The following AGBL1 variants were observed in gnomAD, a reference collection of about 807,000 sequenced individuals.
AGBL1 encodes the protein cytosolic carboxypeptidase 4.
AGBL1 carries 130 observed loss-of-function variants against 118.9 expected under a neutral mutation model. The ratio of observed to expected loss-of-function variants is 1.09; its 90% CI spans 0.95 to 1.26. The LOEUF (loss-of-function observed/expected upper bound fraction) is 1.26. Ranked by LOEUF, AGBL1 falls within the 50% of genes most tolerant of loss-of-function variation. The pLI is 0.00. For missense variants in AGBL1, 1,584 were observed against 1,298.1 expected (o/e 1.22, Z -3.38); for synonymous variants, 555 against 478.9 (o/e 1.16, Z -2.08).
intron 22 of AGBL1, among the ~76,000 whole-genome samples, chr15:86,771,872 A>T (rs1166551668): frequency 1.3e-5 from 2 of 151,944 alleles, no homozygotes; most frequent in African/African-American, 4.8e-5. Flanking sequence ...AGGCTGCTGG[A>T]TGGGGAAGTT....
intron 22 of AGBL1, among the ~76,000 whole-genome samples, chr15:86,788,869 A>G (rs2141325016): frequency 6.6e-6 from 1 of 152,328 alleles, no homozygotes; most frequent in Non-Finnish European, 1.5e-5. Context: ...GACCAAAAAA[A>G]AGCAAGTGCA....
chr15:86,745,077 T>C lies in AGBL1; in HGVS notation c.3158+70641T>C, dbSNP rs113277813. Among the ~76,000 whole-genome samples, 36 of 152,246 alleles carry C rather than the reference T, an allele frequency of 2.4e-4. 2 individuals are homozygous for C. The highest frequency in any genetic ancestry group is 8.2e-4 in the African/African-American group (34 of 41,546). Reference sequence around the variant, plus strand: ...GTCTTTCCGTAGACGTACTGCTGTTTGCTGATCCATTTCTTATATATGTAG... The same window carrying C: ...GTCTTTCCGTAGACGTACTGCTGTTCGCTGATCCATTTCTTATATATGTAG... On this transcript the variant is annotated intron_variant, in intron 22 of 22. Transcript: ENST00000614907.
intron 22 of AGBL1, among the ~76,000 whole-genome samples, chr15:86,695,484 T>C (rs554314491): frequency 2.0e-5 from 3 of 152,068 alleles, no homozygotes; most frequent in Non-Finnish European, 4.4e-5. Context: ...TTTTCTCTCT[T>C]CTTTTCTTGG....
intron 24 of AGBL1, among the ~76,000 whole-genome samples, chr15:87,015,941 C>A (rs573981883): frequency 6.6e-6 from 1 of 152,110 alleles, no homozygotes; most frequent in Admixed American, 6.6e-5. Flanking sequence ...TTACTGTGTC[C>A]TAGGTGATAC....
intron 22 of AGBL1, among the ~76,000 whole-genome samples, chr15:86,845,389 T>C (rs761330956): frequency 5.9e-5 from 9 of 152,152 alleles, no homozygotes; most frequent in Non-Finnish European, 1.2e-4. Context: ...GTACACTCTA[T>C]TGTTTACCGT....
intron 22 of AGBL1, among the ~76,000 whole-genome samples, chr15:86,830,568 A>G (rs2079090806): frequency 6.6e-6 from 1 of 152,146 alleles, no homozygotes; most frequent in African/African-American, 2.4e-5. Context: ...GATGAAGGCT[A>G]CACAAAAACT....
intron 22 of AGBL1, among the ~76,000 whole-genome samples, chr15:86,728,841 C>T (rs966465595): frequency 7.9e-5 from 12 of 152,114 alleles, no homozygotes; most frequent in African/African-American, 2.9e-4. Context: ...GCCCATTCCA[C>T]CCATTTTCCA....
At chr15:86,470,585 T>C (rs536103143) in intron 18 of AGBL1, among the ~76,000 whole-genome samples, 97 of 152,328 alleles carry the variant, frequency 6.4e-4, no homozygotes, top group Middle Eastern at 6.8e-3. Context: ...AATACCATTG[T>C]AATTTTGAGA....
intron 22 of AGBL1, among the ~76,000 whole-genome samples, chr15:86,758,980 A>G (rs1040513243): frequency 1.4e-5 from 2 of 147,840 alleles, no homozygotes; most frequent in African/African-American, 5.3e-5. Flanking sequence ...AAAAAAAAAA[A>G]AAAAGAAAAA....
At position 86,588,940 on chromosome 15, in the gene AGBL1, AAAG is replaced by A. The variant is rs546222469; in HGVS notation, c.2994+34406_2994+34408del. The stretch of plus-strand genomic sequence containing the variant: ...AGAATATGCTGATCATAAAAGATCT[AAAG>A]AATATTAAACATTTCCCGTTCATGT... On this transcript the variant is annotated intron_variant, in intron 21 of 22. Coordinates refer to ENST00000614907, the MANE Select transcript of AGBL1 (RefSeq NM_001386094.1). 9.2e-5 allele frequency among the ~76,000 whole-genome samples: 14 copies of A among 152,294 alleles called. No homozygotes were observed. The South Asian group carries it at 2.5e-3, about 27-fold the overall frequency.
chr15:86,880,277 G>C (rs550734579), intron 22 of AGBL1, among the ~76,000 whole-genome samples: 7 of 152,288 alleles, frequency 4.6e-5, no homozygotes, highest in African/African-American at 1.4e-4. Flanking sequence ...CACTCATTTA[G>C]AGGACTCATA....
chr15:86,190,200 T>A (rs1217394022), intron 5 of AGBL1, among the ~76,000 whole-genome samples: 1 of 152,182 alleles, frequency 6.6e-6, no homozygotes, highest in Admixed American at 6.5e-5. Context: ...GCATGATGAA[T>A]ATATAGCATC....
At chr15:86,713,609 G>A (rs138802289) in intron 22 of AGBL1, among the ~76,000 whole-genome samples, 46 of 152,162 alleles carry the variant, frequency 3.0e-4, no homozygotes, top group Admixed American at 7.9e-4. Context: ...TGCTAACTAG[G>A]GAGTGATCTA....
chr15:86,258,830 C>T (rs1232397292), intron 9 of AGBL1, among the ~76,000 whole-genome samples: 1 of 152,150 alleles, frequency 6.6e-6, no homozygotes, highest in Non-Finnish European at 1.5e-5. Flanking sequence ...CTTCAGCCTC[C>T]CAAGTAACTG....
At chr15:86,703,527 A>T (rs2086395670) in intron 22 of AGBL1, among the ~76,000 whole-genome samples, 1 of 152,164 alleles carries the variant, frequency 6.6e-6, no homozygotes, top group Admixed American at 6.6e-5. Flanking sequence ...AGTGCGATAA[A>T]ATAAATTCTT....
At chr15:86,666,463 A>G (rs2085646526) in intron 21 of AGBL1, among the ~76,000 whole-genome samples, 1 of 152,156 alleles carries the variant, frequency 6.6e-6, no homozygotes, top group Non-Finnish European at 1.5e-5. Flanking sequence ...GGATATAATC[A>G]GTCTTCAAAT....
At chr15:86,843,516 T>A (rs201762325) in intron 22 of AGBL1, among the ~76,000 whole-genome samples, 14 of 7,662 alleles carry the variant, frequency 1.8e-3, no homozygotes, top group African/African-American at 3.9e-3. Context: ...CAAGACCCCG[T>A]TTTTTTTTGT....
At chr15:86,217,073 C>T (rs1318863143) in intron 5 of AGBL1, among the ~76,000 whole-genome samples, 2 of 152,226 alleles carry the variant, frequency 1.3e-5, no homozygotes, top group African/African-American at 2.4e-5. Context: ...TAACCCATTC[C>T]TCTACAGCTG....
At chr15:86,947,005 C>A (rs966011815) in intron 23 of AGBL1, among the ~76,000 whole-genome samples, 1 of 152,082 alleles carries the variant, frequency 6.6e-6, no homozygotes, top group Admixed American at 6.6e-5. Context: ...CTTCAAGGAA[C>A]CTTTTAAGGA....
Sources: allele counts gnomAD v4.1 joint callset (sites outside exome capture counted in the v4.1 genomes callset), GRCh38; gene constraint gnomAD v4.1.1; transcripts MANE v1.5; gene names NCBI Gene and HGNC (gene_info 2026-07-23, HGNC 2026-07-21).